ABLIM3: variants seen among roughly 807,000 people sequenced by gnomAD.
The protein encoded by ABLIM3 is actin-binding LIM protein 3.
ABLIM3 carries 61 observed loss-of-function variants against 109.5 expected under a neutral mutation model. That is an observed-to-expected ratio of 0.56 (90% CI 0.45 to 0.69). The LOEUF is 0.69. ABLIM3 is among the 30% of genes least tolerant of loss of function. The pLI, the probability that ABLIM3 is intolerant of heterozygous loss-of-function variation, is 0.00. For missense variants in ABLIM3, 796 were observed against 889.5 expected, an observed-to-expected ratio of 0.89 and a Z score of 1.34; for synonymous variants, 300 against 324.8, an observed-to-expected ratio of 0.92 and a Z score of 0.82.
chr5:149,142,896 C>T (rs1752609574), intron 2 of ABLIM3, among the ~76,000 whole-genome samples: 1 of 152,152 alleles, frequency 6.6e-6, no homozygotes, highest in Admixed American at 6.5e-5. Flanking sequence ...GTTCCAGACT[C>T]ACTCTCCTGC....
In ABLIM3 at chr5:149,252,842, G is replaced by A. The variant is rs764962796; in HGVS notation, c.1938+5G>A. On this transcript the variant is annotated splice_donor_5th_base_variant and intron_variant, in intron 23 of 23. Transcript: ENST00000309868. ...GTAGACAGGACCCGTTTAGAGGTAA[G>A]TCTAAAAAACTGAGCAGGAGCTCTT... The A allele has an allele frequency of 1.2e-6, 2 of 1,611,890 alleles. No homozygotes were observed. The highest frequency in any genetic ancestry group is 2.7e-5 in the African/African-American group (2 of 74,872).
In ABLIM3 at chr5:149,188,355, T is replaced by C. The variant is rs542156073; in HGVS notation, c.151+4766T>C. On this transcript the variant is annotated intron_variant, in intron 3 of 23. Coordinates refer to ENST00000309868, the MANE Select transcript of ABLIM3 (RefSeq NM_014945.5). ...AATACCAAAATCAATTATATTTCTA[T>C]ACCATAGCAATAAACAATCTGAAAA... Among the ~76,000 whole-genome samples, 79 of 152,296 alleles carry C rather than the reference T, an allele frequency of 5.2e-4. No individual in the cohort carries two copies. In the South Asian group the frequency reaches 0.016, roughly 30 times the overall value.
Position 149,258,695 on chromosome 5 carries a change from C to T in ABLIM3, c.*291C>T. Reference sequence around the variant, plus strand: ...AACTTGAGTGCCCCAAGGTCCAACTCTCTTTCCTAAAGAAGGTGCCTGAAG... The same window carrying T: ...AACTTGAGTGCCCCAAGGTCCAACTTTCTTTCCTAAAGAAGGTGCCTGAAG... On this transcript the variant is annotated 3_prime_UTR_variant, in exon 24 of 24. Coordinates refer to ENST00000309868, the MANE Select transcript of ABLIM3 (RefSeq NM_014945.5). The T allele has an allele frequency of 1.9e-6, 2 of 1,055,972 alleles. No individual in the cohort carries two copies. The highest frequency in any genetic ancestry group is 2.3e-6 in the Non-Finnish European group (2 of 876,672). The allele number at this position is 1,055,972 out of a possible 1,614,324, so 65.4% of individuals were successfully genotyped here.
At chr5:149,161,212 T>C (rs1754335156) in intron 2 of ABLIM3, among the ~76,000 whole-genome samples, 1 of 152,206 alleles carries the variant, frequency 6.6e-6, no homozygotes, top group Non-Finnish European at 1.5e-5. Context: ...GGAAAGTGTT[T>C]GCTGACCTGG....
intron 2 of ABLIM3, among the ~76,000 whole-genome samples, chr5:149,149,967 C>A (rs534725064): frequency 6.6e-6 from 1 of 152,240 alleles, no homozygotes; most frequent in Non-Finnish European, 1.5e-5. Flanking sequence ...GGCTGTGGCC[C>A]CAGGAAGGCA....
chr5:149,231,802 A>G (rs1761892598), intron 9 of ABLIM3, among the ~76,000 whole-genome samples: 1 of 152,166 alleles, frequency 6.6e-6, no homozygotes, highest in African/African-American at 2.4e-5. Context: ...GTTTCATTAT[A>G]TGCTTAATCT....
At position 149,186,847 on chromosome 5, in the gene ABLIM3, C is replaced by CA. The variant is rs143439412; in HGVS notation, c.151+3268dup. Reference sequence around the variant, plus strand: ...ATTTAAACAAGCTAGAAAATATGAGCAAAAAAAAAACAACAGTGCATTATA... The same window carrying CA: ...ATTTAAACAAGCTAGAAAATATGAGCAAAAAAAAAAACAACAGTGCATTATA... On this transcript the variant is annotated intron_variant, in intron 3 of 23. Transcript: ENST00000309868. 6.1e-3 allele frequency among the ~76,000 whole-genome samples: 872 copies of CA among 143,126 alleles called. 10 individuals carry two copies. Among genetic ancestry groups the CA allele is most frequent in the East Asian group, 0.038 (192 of 5,014 alleles). The allele number at this position is 143,126 out of a possible 152,430, so 93.9% of individuals were successfully genotyped here.
intron 3 of ABLIM3, among the ~76,000 whole-genome samples, chr5:149,197,725 T>C (rs1186380763): frequency 6.6e-6 from 1 of 152,206 alleles, no homozygotes; most frequent in Non-Finnish European, 1.5e-5. Context: ...AATGTTTAAC[T>C]GAATGATTCT....
At chr5:149,185,980 C>A (rs1216128695) in intron 3 of ABLIM3, among the ~76,000 whole-genome samples, 1 of 152,176 alleles carries the variant, frequency 6.6e-6, no homozygotes, top group Non-Finnish European at 1.5e-5. Flanking sequence ...AGCTTAGCAT[C>A]TAGTCAAAGT....
intron 3 of ABLIM3, among the ~76,000 whole-genome samples, chr5:149,195,091 G>A (rs1410609718): frequency 6.6e-6 from 1 of 152,154 alleles, no homozygotes; most frequent in Non-Finnish European, 1.5e-5. Context: ...CACTAAAACT[G>A]TATGACAGAG....
intron 22 of ABLIM3, chr5:149,252,535 C>T (rs765035275): frequency 1.4e-5 from 8 of 561,258 alleles, no homozygotes; most frequent in Non-Finnish European, 2.5e-5. Context: ...TACCTCCAAG[C>T]TTATTCCTAG....
intron 2 of ABLIM3, among the ~76,000 whole-genome samples, chr5:149,180,494 T>C (rs1756360939): frequency 1.3e-5 from 2 of 152,212 alleles, no homozygotes; most frequent in African/African-American, 4.8e-5. Context: ...CTAGCTTCCA[T>C]TGACACCCAG....
Position 149,254,465 on chromosome 5 carries a change from C to T in ABLIM3, c.1938+1628C>T, listed in dbSNP as rs780048276. ...CTGGGCTGGGAGAGGTGTCAGAAAA[C>T]GTTTGTGGGATTGAGTGCAGGCTTC... is the stretch of plus-strand genomic sequence containing the variant. On this transcript the variant is annotated intron_variant, in intron 23 of 23. Transcript: ENST00000309868. 9.5e-4 allele frequency among the ~76,000 whole-genome samples: 145 copies of T among 152,196 alleles called. 2 individuals are homozygous for T. The highest frequency in any genetic ancestry group is 1.8e-3 in the Non-Finnish European group (123 of 68,000).
At chr5:149,254,091 C>T (rs1754214739) in intron 23 of ABLIM3, among the ~76,000 whole-genome samples, 1 of 152,226 alleles carries the variant, frequency 6.6e-6, no homozygotes, top group African/African-American at 2.4e-5. Flanking sequence ...GAAACTGCCC[C>T]CAAGATTCAA....
At chr5:149,189,068 G>T (rs1466039213) in intron 3 of ABLIM3, among the ~76,000 whole-genome samples, 2 of 152,180 alleles carry the variant, frequency 1.3e-5, no homozygotes, top group Non-Finnish European at 2.9e-5. Flanking sequence ...TTTATGGTTG[G>T]TTAATTTTCA....
At chr5:149,206,341 G>A (rs531829351) in intron 5 of ABLIM3, among the ~76,000 whole-genome samples, 16 of 152,204 alleles carry the variant, frequency 1.1e-4, no homozygotes, top group Admixed American at 2.0e-4. Context: ...GATGTGTGAA[G>A]CACAATGGGG....
chr5:149,239,369 C>G, intron 12 of ABLIM3, 92 bp downstream of exon 12: 4 of 1,412,764 alleles, frequency 2.8e-6, no homozygotes. Flanking sequence ...GTGTCTGAGC[C>G]CTTGCCCAAG....
At chr5:149,248,879 C>T (rs113554865) in intron 18 of ABLIM3, among the ~76,000 whole-genome samples, 2,657 of 70,962 alleles carry the variant, frequency 0.037, 78 homozygotes, top group East Asian at 0.13. Flanking sequence ...CACACACACA[C>T]ACACACACAC....
At chr5:149,184,851 T>C (rs1426727506) in intron 3 of ABLIM3, among the ~76,000 whole-genome samples, 2 of 152,256 alleles carry the variant, frequency 1.3e-5, no homozygotes, top group Admixed American at 1.3e-4. Context: ...AACTAGACTC[T>C]GCACTGAGCA....
Sources: allele counts gnomAD v4.1 joint callset (sites outside exome capture counted in the v4.1 genomes callset), GRCh38; gene constraint gnomAD v4.1.1; transcripts MANE v1.5; gene names NCBI Gene and HGNC (gene_info 2026-07-23, HGNC 2026-07-21).